The following PRICKLE2 variants were observed in gnomAD, a reference collection of about 807,000 sequenced individuals.
PRICKLE2 encodes prickle planar cell polarity protein 2, also known as prickle-like protein 2.
In PRICKLE2, 21 loss-of-function variants were observed where a neutral mutation model predicts 81.4. The observed-to-expected ratio is 0.26, with a 90% CI of 0.18 to 0.37. PRICKLE2 has a LOEUF of 0.37. Among genes scored for constraint, PRICKLE2 ranks in the 10% least tolerant of loss-of-function variants. The pLI is 1.00. For synonymous variants in PRICKLE2, 456 were observed against 421.5 expected (o/e 1.08, Z -1.00); for missense variants, 940 against 1,109.0 (o/e 0.85, Z 2.16).
rs995467266 is a variant in PRICKLE2 at position 64,100,022 on chromosome 3, C to T, written c.1661-97G>A. The T allele has an allele frequency of 7.9e-6, 11 of 1,391,832 alleles. No homozygotes were observed. In the Admixed American group the frequency reaches 1.0e-4, roughly 13 times the overall value. The allele number at this position is 1,391,832 out of a possible 1,614,324, so 86.2% of individuals were successfully genotyped here. ...TCATCTATCTAGGGTCATTATATACCGTTGTGAAGTTGTGTACTGCACAAA... is the reference window on the plus strand; with the variant it reads ...TCATCTATCTAGGGTCATTATATACTGTTGTGAAGTTGTGTACTGCACAAA... On this transcript the variant is annotated intron_variant, in intron 7 of 7. Transcript: ENST00000638394.
In PRICKLE2 at chr3:64,141,827, A is replaced by G. The variant is rs1170110132; in HGVS notation, c.1660+5003T>C. 3.0e-6 allele frequency: 3 copies of G among 985,144 alleles called. No individual in the cohort carries two copies. The African/African-American group carries it at 5.2e-5, about 17-fold the overall frequency. 61.0% of individuals were successfully genotyped at this position (985,144 alleles called of 1,614,324 possible). A position where few individuals can be genotyped will look rare whatever the true frequency, so the allele number is the denominator to read the frequency against. ...CAGATTAAACACTACAGACTTATTC[A>G]ATAACATAAGTTACTGACCATGGAA... On this transcript the variant is annotated intron_variant, in intron 7 of 7. Transcript: ENST00000638394.
At chr3:64,259,478 C>T (rs2079584934) in intron 2 of PRICKLE2, among the ~76,000 whole-genome samples, 1 of 152,156 alleles carries the variant, frequency 6.6e-6, no homozygotes, top group Admixed American at 6.5e-5. Flanking sequence ...GAACTTGATC[C>T]AAGTCTCCTA....
chr3:64,186,071 T>A (rs1307027390), intron 2 of PRICKLE2, among the ~76,000 whole-genome samples: 1 of 152,236 alleles, frequency 6.6e-6, no homozygotes, highest in Admixed American at 6.5e-5. Context: ...GGAATAATGA[T>A]TCTCAGACTC....
At position 64,092,442 on chromosome 3, in the gene PRICKLE2, T is replaced by C. The variant is rs751341346; in HGVS notation, c.*6609A>G. On this transcript the variant is annotated 3_prime_UTR_variant, in exon 8 of 8. Coordinates refer to ENST00000638394, the MANE Select transcript of PRICKLE2 (RefSeq NM_198859.4). ...TTGTTTGTTTTGCACATTATTGTAT[T>C]CCAAGCACCTAGAACGGTTCCTGGC... 3.3e-5 allele frequency: 5 copies of C among 152,226 alleles called. No homozygotes were observed. The highest frequency in any genetic ancestry group is 3.2e-3 in the Middle Eastern group (1 of 316). 9.4% of individuals were successfully genotyped at this position (152,226 alleles called of 1,614,324 possible). A position where few individuals can be genotyped will look rare whatever the true frequency, so the allele number is the denominator to read the frequency against.
chr3:64,160,029 G>T lies in PRICKLE2; in HGVS notation c.307C>A (p.Leu103Ile). 6.2e-7 allele frequency: 1 copy of T among 1,614,050 alleles called. No homozygotes were observed. Among genetic ancestry groups the T allele is most frequent in the Non-Finnish European group, 8.5e-7 (1 of 1,179,936 alleles). ...TCGCGTTTCCTCTGGCTGCTGAAAA[G>T]CTTCAGCTCCCTCTTCTCTTCCTCA... ...LDEEEKRELK[L>I]FSSQRKRENL... Residue 103 changes from leucine to isoleucine, a missense_variant, in exon 4 of 8, where the codon CTT (leucine) becomes ATT (isoleucine). Leu to Ile is a conservative substitution (Grantham distance 5, BLOSUM62 2). Around this residue, in one of 2 missense-constraint regions of PRICKLE2, gnomAD observed 270 missense variants for 391.8 expected, o/e 0.69. Transcript: ENST00000638394.
At position 64,099,174 on chromosome 3, in the gene PRICKLE2, G is replaced by T. The variant is rs1199751352; in HGVS notation, c.2412C>A (p.Val804=). 1.9e-6 allele frequency: 3 copies of T among 1,614,128 alleles called. No individual in the cohort carries two copies. The highest frequency in any genetic ancestry group is 1.3e-5 in the African/African-American group (1 of 74,948). ...ATTTGTGCAGCAGCTCATCGCTTGT[G>T]ACGTATCGCAGGCGCGCTGGCTGGG... ...PIPQPARLRY[V]TSDELLHKYS... The change falls in exon 8 of 8, where the codon GTC becomes GTA. Residue 804 remains valine, a synonymous_variant. Coordinates refer to ENST00000638394, the MANE Select transcript of PRICKLE2 (RefSeq NM_198859.4). This position sits in a 1 kb window ranked among gnomAD's most constrained non-coding sequence, Gnocchi z 4.3.
intron 2 of PRICKLE2, among the ~76,000 whole-genome samples, chr3:64,187,065 T>C (rs1414879503): frequency 6.6e-6 from 1 of 152,184 alleles, no homozygotes; most frequent in South Asian, 2.1e-4. Flanking sequence ...CATTTGCAAA[T>C]GAGCCTTGGC....
At chr3:64,111,559 C>A (rs144874528) in intron 7 of PRICKLE2, among the ~76,000 whole-genome samples, 13 of 152,290 alleles carry the variant, frequency 8.5e-5, no homozygotes, top group African/African-American at 3.1e-4. Flanking sequence ...CCAGCAGCTG[C>A]AATGAAAACA....
chr3:64,204,321 A>G (rs994629793), intron 1 of PRICKLE2, among the ~76,000 whole-genome samples: 2 of 151,910 alleles, frequency 1.3e-5, no homozygotes, highest in Non-Finnish European at 2.9e-5. Context: ...ATGATCCTAG[A>G]CTCTTCCATC....
intron 2 of PRICKLE2, among the ~76,000 whole-genome samples, chr3:64,168,436 C>T (rs1479413605): frequency 6.6e-6 from 1 of 152,236 alleles, no homozygotes; most frequent in East Asian, 1.9e-4. Flanking sequence ...TCTGTTGGGC[C>T]GCATTCAAAG....
chr3:64,214,847 T>C (rs2078847225), intron 1 of PRICKLE2, among the ~76,000 whole-genome samples: 1 of 152,206 alleles, frequency 6.6e-6, no homozygotes, highest in African/African-American at 2.4e-5. Flanking sequence ...TTTAGCATAG[T>C]TGACGAAACG....
rs75509789 is a variant in PRICKLE2 at position 64,134,081 on chromosome 3, G to A, written c.1660+12749C>T. 2.1e-3 allele frequency among the ~76,000 whole-genome samples: 325 copies of A among 152,252 alleles called. 2 individuals are homozygous for A. Among genetic ancestry groups the A allele is most frequent in the African/African-American group, 6.8e-3 (282 of 41,532 alleles). On this transcript the variant is annotated intron_variant, in intron 7 of 7. Transcript: ENST00000638394. ...TGAATTTTCCATGTACTGGGCAGGCGGTGAAGTGCTCCACGCATGTTACCC... is the reference window on the plus strand; with the variant it reads ...TGAATTTTCCATGTACTGGGCAGGCAGTGAAGTGCTCCACGCATGTTACCC...
intron 2 of PRICKLE2, among the ~76,000 whole-genome samples, chr3:64,261,783 G>T (rs1304129912): frequency 6.6e-6 from 1 of 152,128 alleles, no homozygotes; most frequent in Non-Finnish European, 1.5e-5. Context: ...GGTAGGCACG[G>T]GCTAGAACTT....
intron 6 of PRICKLE2, among the ~76,000 whole-genome samples, chr3:64,152,099 T>G (rs997582069): frequency 2.0e-5 from 3 of 152,230 alleles, no homozygotes; most frequent in African/African-American, 7.2e-5. Flanking sequence ...GCTAATTTTT[T>G]TATTTGAATA....
rs555451404 is a variant in PRICKLE2 at position 64,243,727 on chromosome 3, T to C, written c.129-44760A>G. ...AATAGTGCTATAATAATGTCAGTTA[T>C]GATTATTAAGAAAAACGATGTTAGA... On this transcript the variant is annotated intron_variant, in intron 2 of 8. Coordinates refer to the PRICKLE2 transcript ENST00000295902. 2.0e-3 allele frequency among the ~76,000 whole-genome samples: 303 copies of C among 152,348 alleles called. 2 individuals carry two copies. The highest frequency in any genetic ancestry group is 3.1e-3 in the Non-Finnish European group (214 of 68,018).
chr3:64,135,419 G>A (rs1471741021), intron 7 of PRICKLE2, among the ~76,000 whole-genome samples: 4 of 152,146 alleles, frequency 2.6e-5, no homozygotes, highest in African/African-American at 9.7e-5. Context: ...GAGAAAGAAT[G>A]GGAGAAATAC....
rs150320695 is a variant in PRICKLE2, at chr3:64,134,486, T to G, written c.1660+12344A>C. Among the ~76,000 whole-genome samples, 3 of 152,314 alleles carry G rather than the reference T, an allele frequency of 2.0e-5. No individual in the cohort carries two copies. The East Asian group carries it at 5.8e-4, about 29-fold the overall frequency. ...CTGGCTTATGGAGCTGGATAATTCTTTGTTGACTGGGTATAGGGGGATGGA... is the reference window on the plus strand; with the variant it reads ...CTGGCTTATGGAGCTGGATAATTCTGTGTTGACTGGGTATAGGGGGATGGA... On this transcript the variant is annotated intron_variant, in intron 7 of 7. Transcript: ENST00000638394.
chr3:64,198,767 C>G lies in PRICKLE2; in HGVS notation c.144+17G>C, dbSNP rs747889949. On this transcript the variant is annotated intron_variant, in intron 2 of 7. Transcript: ENST00000638394. ...GAAACACCCAAACCACCAGCATGCTCCCATCCAGAATGGTACCTGTTCAGG... is the reference window on the plus strand; with the variant it reads ...GAAACACCCAAACCACCAGCATGCTGCCATCCAGAATGGTACCTGTTCAGG... 32 of 1,613,630 alleles carry G rather than the reference C, an allele frequency of 2.0e-5. No individual in the cohort carries two copies. In the South Asian group the frequency reaches 3.2e-4, roughly 16 times the overall value.
chr3:64,164,691 C>G (rs1469278015), intron 2 of PRICKLE2, among the ~76,000 whole-genome samples: 3 of 152,202 alleles, frequency 2.0e-5, no homozygotes, highest in African/African-American at 7.2e-5. Context: ...AGCTAGATTT[C>G]CAAAGGCAGG....
Sources: gnomAD v4.1 joint callset for allele counts (sites outside exome capture counted in the v4.1 genomes callset) on GRCh38, gnomAD v4.1.1 for gene constraint, gnomAD v4.1.1 regional missense constraint, Gnocchi (gnomAD v3.1) non-coding constraint, MANE v1.5 for transcripts, NCBI Gene and HGNC (gene_info 2026-07-23, HGNC 2026-07-21) for gene names.